The following POU2F1 variants were observed in gnomAD, a reference collection of about 807,000 sequenced individuals.
POU2F1 encodes the protein POU domain, class 2, transcription factor 1.
A neutral mutation model predicts 84.9 loss-of-function variants in POU2F1; 16 were observed. That is an observed-to-expected ratio of 0.19 (90% confidence interval 0.13 to 0.29). The LOEUF (loss-of-function observed/expected upper bound fraction) is 0.29, where lower values mean the gene tolerates loss of function less well. Among genes scored for constraint, POU2F1 ranks in the 10% least tolerant of loss-of-function variants. The pLI is 1.00. For synonymous variants in POU2F1, 368 were observed against 368.3 expected, an observed-to-expected ratio of 1.00 and a Z score of 0.01; for missense variants, 738 against 942.6, an observed-to-expected ratio of 0.78 and a Z score of 2.84.
At chr1:167,242,906 C>T (rs949958039) in intron 1 of POU2F1, among the ~76,000 whole-genome samples, 7 of 152,030 alleles carry the variant, frequency 4.6e-5, no homozygotes, top group Admixed American at 1.3e-4. Context: ...TACAGACATA[C>T]GTATATTCTC....
At chr1:167,326,192 C>A (rs956636652) in intron 1 of POU2F1, among the ~76,000 whole-genome samples, 3 of 152,248 alleles carry the variant, frequency 2.0e-5, no homozygotes, top group African/African-American at 7.2e-5. Context: ...TTACAATCAA[C>A]TCCTCAACTA....
chr1:167,234,859 GT>G (rs1276795515), intron 1 of POU2F1, among the ~76,000 whole-genome samples: 1 of 152,118 alleles, frequency 6.6e-6, no homozygotes, highest in Non-Finnish European at 1.5e-5. Context: ...GATTTACCCT[GT>G]TTACATGTTA....
intron 1 of POU2F1, among the ~76,000 whole-genome samples, chr1:167,234,178 A>G (rs534783790): frequency 5.6e-4 from 86 of 152,332 alleles, no homozygotes; most frequent in African/African-American, 1.9e-3. Context: ...GTTAAGATCT[A>G]TAGATTTAAC....
Position 167,417,940 on chromosome 1 carries a change from CCCCTAAATTTCCTCCTCTTA to C in POU2F1, c.*2135_*2154del, listed in dbSNP as rs1650416625. ...TTATTTCACAGATATTTAATTACCACCCCTAAATTTCCTCCTCTTACCCTTCACCTTCCCTAAAATCCTTC... is the reference window on the plus strand; with the variant it reads ...TTATTTCACAGATATTTAATTACCACCCCTTCACCTTCCCTAAAATCCTTC... On this transcript the variant is annotated 3_prime_UTR_variant, in exon 16 of 16. Coordinates refer to ENST00000367866, the MANE Select transcript of POU2F1 (RefSeq NM_002697.4). 1 of 152,174 alleles carries C rather than the reference CCCCTAAATTTCCTCCTCTTA, an allele frequency of 6.6e-6. No homozygotes were observed. Among genetic ancestry groups the C allele is most frequent in the Admixed American group, 6.5e-5 (1 of 15,278 alleles). 9.4% of individuals were successfully genotyped at this position (152,174 alleles called of 1,614,324 possible).
At chr1:167,240,432 G>A (rs1303936263) in intron 1 of POU2F1, among the ~76,000 whole-genome samples, 1 of 152,166 alleles carries the variant, frequency 6.6e-6, no homozygotes, top group African/African-American at 2.4e-5. Flanking sequence ...AGAGGTAATT[G>A]AGGAAGCGTA....
chr1:167,279,277 G>T (rs1480566632), intron 1 of POU2F1, among the ~76,000 whole-genome samples: 1 of 152,152 alleles, frequency 6.6e-6, no homozygotes, highest in Non-Finnish European at 1.5e-5. Flanking sequence ...ATAATGTAAT[G>T]CAACTGACCT....
Position 167,416,087 on chromosome 1 carries a change from T to TAAAAACAAAAAAAAAAA in POU2F1, c.*282_*283insCAAAAAAAAAAAAAAAA. The TAAAAACAAAAAAAAAAA allele has an allele frequency of 2.8e-6, 1 of 351,044 alleles. No individual in the cohort carries two copies. Among genetic ancestry groups the TAAAAACAAAAAAAAAAA allele is most frequent in the African/African-American group, 3.1e-5 (1 of 32,654 alleles). The allele number at this position is 351,044 out of a possible 1,614,324, so 21.7% of individuals were successfully genotyped here. ...ATTGGAGAACTTTCTAACCAAAAAT[T>TAAAAACAAAAAAAAAAA]AAAAAAAAAAAAAAAAAAAGAAACA... On this transcript the variant is annotated 3_prime_UTR_variant, in exon 16 of 16. Coordinates refer to ENST00000367866, the MANE Select transcript of POU2F1 (RefSeq NM_002697.4).
At chr1:167,404,819 A>G (rs1255038781) in intron 13 of POU2F1, among the ~76,000 whole-genome samples, 2 of 152,018 alleles carry the variant, frequency 1.3e-5, no homozygotes, top group Non-Finnish European at 1.5e-5. Flanking sequence ...TGATTTCTCC[A>G]CCATCCAGTT....
intron 1 of POU2F1, among the ~76,000 whole-genome samples, chr1:167,328,196 G>C (rs1656834289): frequency 6.6e-6 from 1 of 152,102 alleles, no homozygotes; most frequent in African/African-American, 2.4e-5. Flanking sequence ...TTCTACTTGA[G>C]ATTTATTTTC....
At chr1:167,383,098 T>C (rs1243796918) in intron 7 of POU2F1, among the ~76,000 whole-genome samples, 2 of 152,218 alleles carry the variant, frequency 1.3e-5, no homozygotes, top group African/African-American at 2.4e-5. Context: ...ATTGCTCTTA[T>C]CACAGCAAAC....
At chr1:167,292,191 A>G (rs1176939859) in intron 1 of POU2F1, among the ~76,000 whole-genome samples, 1 of 152,058 alleles carries the variant, frequency 6.6e-6, no homozygotes, top group East Asian at 1.9e-4. Flanking sequence ...TGTCTCTATT[A>G]TGATATCTAT....
At chr1:167,301,086 G>A (rs1225050451) in intron 1 of POU2F1, among the ~76,000 whole-genome samples, 1 of 152,096 alleles carries the variant, frequency 6.6e-6, no homozygotes, top group Non-Finnish European at 1.5e-5. Flanking sequence ...ACTCTTAACA[G>A]TTTTAATTAA....
chr1:167,409,959 G>A (rs1649842029), intron 13 of POU2F1, among the ~76,000 whole-genome samples: 1 of 152,004 alleles, frequency 6.6e-6, no homozygotes, highest in Admixed American at 6.6e-5. Context: ...TATGTGACAG[G>A]GGGCATGTCT....
At chr1:167,258,441 C>CA (rs1309399455) in intron 1 of POU2F1, among the ~76,000 whole-genome samples, 4 of 152,022 alleles carry the variant, frequency 2.6e-5, no homozygotes, top group South Asian at 2.1e-4. Flanking sequence ...TTACAAATTG[C>CA]AAAAAAATTA....
intron 1 of POU2F1, among the ~76,000 whole-genome samples, chr1:167,248,990 C>T (rs767101914): frequency 3.3e-5 from 5 of 152,234 alleles, no homozygotes; most frequent in South Asian, 4.1e-4. Flanking sequence ...TGTCTCATTT[C>T]GGAGTTTTGG....
Position 167,419,256 on chromosome 1 carries a change from G to A in POU2F1, c.*3446G>A, listed in dbSNP as rs963814619. 6.6e-6 allele frequency: 1 copy of A among 152,210 alleles called. No individual in the cohort carries two copies. The allele number at this position is 152,210 out of a possible 1,614,324, so 9.4% of individuals were successfully genotyped here. A position where few individuals can be genotyped will look rare whatever the true frequency, so the allele number is the denominator to read the frequency against. On this transcript the variant is annotated 3_prime_UTR_variant, in exon 16 of 16. Transcript: ENST00000367866. ...CAGGGACCATTTGACCAAAAGAGGTGTTTGGTGGAGTTTCTGCATTTCAAA... is the reference window on the plus strand; with the variant it reads ...CAGGGACCATTTGACCAAAAGAGGTATTTGGTGGAGTTTCTGCATTTCAAA...
chr1:167,412,073 C>T lies in POU2F1; in HGVS notation c.1670C>T (p.Thr557Ile), dbSNP rs895073791. The change falls in exon 14 of 16, where the codon ACC (threonine) becomes ATC (isoleucine). Residue 557 changes from threonine (T) to isoleucine (I), a missense_variant. By Grantham distance (89) the Thr-to-Ile change is moderately conservative (BLOSUM62 -1). Around this residue, in one of 4 missense-constraint regions of POU2F1, gnomAD observed 319 missense variants for 386.0 expected, o/e 0.83. Coordinates refer to ENST00000367866, the MANE Select transcript of POU2F1 (RefSeq NM_002697.4). ...LSPSPSASAS[T>I]SEASSASETS... ...CCCTCCCCTTCTGCCTCAGCCTCCA[C>T]CTCCGAGGCATCCAGTGCCAGTGAG... is the stretch of plus-strand genomic sequence containing the variant. 3.1e-6 allele frequency: 5 copies of T among 1,614,100 alleles called. No homozygotes were observed. Among genetic ancestry groups the T allele is most frequent in the Non-Finnish European group, 3.4e-6 (4 of 1,180,036 alleles).
chr1:167,275,533 A>C (rs1652668884), intron 1 of POU2F1, among the ~76,000 whole-genome samples: 1 of 152,174 alleles, frequency 6.6e-6, no homozygotes, highest in African/African-American at 2.4e-5. Context: ...CTAATTCAAC[A>C]GTTCAGATTT....
chr1:167,238,886 T>A (rs777805766), intron 1 of POU2F1, among the ~76,000 whole-genome samples: 10 of 152,208 alleles, frequency 6.6e-5, no homozygotes, highest in Non-Finnish European at 1.2e-4. Context: ...TCAGGGAGAC[T>A]AGTTGGCTAC....
Sources: gnomAD v4.1 joint callset for allele counts (sites outside exome capture counted in the v4.1 genomes callset) on GRCh38, gnomAD v4.1.1 for gene constraint, gnomAD v4.1.1 regional missense constraint, MANE v1.5 for transcripts, NCBI Gene and HGNC (gene_info 2026-07-23, HGNC 2026-07-21) for gene names.